Variants in ZNF345 observed in about 807,000 individuals in gnomAD.
ZNF345 encodes zinc finger protein HZF10.
For missense variants in ZNF345, 527 were observed against 589.9 expected, an observed-to-expected ratio of 0.89 and a Z score of 1.10; for synonymous variants, 166 against 187.9, an observed-to-expected ratio of 0.88 and a Z score of 0.95.
downstream of ZNF345, among the ~76,000 whole-genome samples, chr19:36,893,190 C>T (rs532325915): frequency 2.0e-5 from 3 of 152,178 alleles, no homozygotes; most frequent in South Asian, 4.2e-4. Context: ...CACCAGCCTC[C>T]GACAAATCTA....
chr19:36,878,045 G>A lies in ZNF345; in HGVS notation c.1215G>A (p.Lys405=), dbSNP rs754273255. ...CCTATGAATGTAAAGAATGTGGAAA[G>A]TCCTTTAGTAGTGGTTCAGCTCTTA... ...ERPYECKECG[K]SFSSGSALNR... is the part of the protein sequence containing the mutation. Residue 405 remains lysine, a synonymous_variant, in exon 3 of 3, where the codon AAG becomes AAA. Coordinates refer to ENST00000420450, the MANE Select transcript of ZNF345 (RefSeq NM_001242472.2). 1.8e-5 allele frequency: 29 copies of A among 1,613,880 alleles called. No individual in the cohort carries two copies. Among genetic ancestry groups the A allele is most frequent in the Admixed American group, 3.3e-5 (2 of 60,002 alleles).
chr19:36,857,016 CT>C (rs574726334), intron 2 of ZNF345, among the ~76,000 whole-genome samples: 3 of 151,964 alleles, frequency 2.0e-5, no homozygotes, highest in Non-Finnish European at 2.9e-5. Flanking sequence ...ACTTAGAATT[CT>C]TTTTTTAATG....
intron 2 of ZNF345, among the ~76,000 whole-genome samples, chr19:36,854,230 G>T (rs1351872886): frequency 1.6e-5 from 2 of 126,396 alleles, no homozygotes; most frequent in African/African-American, 6.8e-5. Flanking sequence ...TTTAGCCTGG[G>T]TTTTGTTTTT....
intron 2 of ZNF345, among the ~76,000 whole-genome samples, chr19:36,855,924 A>G (rs7251580): frequency 6.6e-6 from 1 of 152,224 alleles, no homozygotes; most frequent in South Asian, 2.1e-4. Flanking sequence ...CACTAGCCTT[A>G]TCTCTCTGTA....
chr19:36,854,089 A>G (rs2072349959), intron 2 of ZNF345, among the ~76,000 whole-genome samples: 1 of 152,182 alleles, frequency 6.6e-6, no homozygotes, highest in African/African-American at 2.4e-5. Context: ...GTTTCTCAAC[A>G]AGGTCTTGTT....
At chr19:36,872,658 C>G (rs2146190921) in intron 2 of ZNF345, 1 of 152,708 alleles carries the variant, frequency 6.5e-6, no homozygotes, top group South Asian at 2.1e-4. Context: ...AAATAAACCT[C>G]TTTTCTTTAT....
chr19:36,892,117 G>T, intron 3 of ZNF345: 1 of 1,614,010 alleles, frequency 6.2e-7, no homozygotes, highest in Non-Finnish European at 8.5e-7. Context: ...AGAAAAATAT[G>T]AACTACAACT....
chr19:36,867,401 T>G (rs1226602227), intron 2 of ZNF345, among the ~76,000 whole-genome samples: 1 of 152,236 alleles, frequency 6.6e-6, no homozygotes, highest in African/African-American at 2.4e-5. Context: ...ATAAATTCAG[T>G]GGTATTTGCT....
chr19:36,860,665 CCTT>C (rs1162319573), intron 2 of ZNF345, among the ~76,000 whole-genome samples: 3 of 152,144 alleles, frequency 2.0e-5, no homozygotes, highest in Non-Finnish European at 4.4e-5. Context: ...AATATTGTAT[CCTT>C]CTTGCTGCAT....
intron 2 of ZNF345, among the ~76,000 whole-genome samples, chr19:36,865,188 G>T (rs1360161556): frequency 6.6e-6 from 1 of 152,140 alleles, no homozygotes; most frequent in Non-Finnish European, 1.5e-5. Context: ...AACCAGAAAG[G>T]AACGCCCCTT....
At chr19:36,858,456 T>A (rs2072470870) in intron 2 of ZNF345, 1 of 152,136 alleles carries the variant, frequency 6.6e-6, no homozygotes, top group Admixed American at 6.6e-5. Flanking sequence ...GGGTTCAAAC[T>A]TTGGAATATT....
chr19:36,876,016 G>T (rs373264998), intron 2 of ZNF345, among the ~76,000 whole-genome samples: 62 of 152,262 alleles, frequency 4.1e-4, no homozygotes, highest in African/African-American at 1.4e-3. Context: ...TCTTCTAGTA[G>T]TATCACATTG....
chr19:36,877,125 T>C lies in ZNF345; in HGVS notation c.295T>C (p.Phe99Leu), dbSNP rs937031247. 36 of 1,614,108 alleles carry C rather than the reference T, an allele frequency of 2.2e-5. No individual in the cohort carries two copies. Among genetic ancestry groups the C allele is most frequent in the Non-Finnish European group, 3.1e-5 (36 of 1,180,004 alleles). Residue 99 changes from phenylalanine (F) to leucine (L), a missense_variant, in exon 3 of 3, where the codon TTT becomes CTT. Phe to Leu is a conservative substitution (Grantham distance 22). Transcript: ENST00000420450. ...PYECKECGKA[F>L]GSGANLAYHQ... ...TGAATGCAAAGAATGTGGCAAGGCC[T>C]TTGGTAGTGGTGCAAACCTTGCTTA... is the stretch of plus-strand genomic sequence containing the variant.
chr19:36,866,270 A>C lies in ZNF345; in HGVS notation c.-46-10515A>C, dbSNP rs75270565. On this transcript the variant is annotated intron_variant, in intron 2 of 2. Coordinates refer to ENST00000420450, the MANE Select transcript of ZNF345 (RefSeq NM_001242472.2). ...TGAAATATTTTATATATTCAAATAC[A>C]TAAAATCTTTTTAGGTTAAGTGATA... 2.6e-4 allele frequency among the ~76,000 whole-genome samples: 39 copies of C among 152,260 alleles called. No homozygotes were observed. In the East Asian group the frequency reaches 5.4e-3, roughly 21 times the overall value.
downstream of ZNF345, among the ~76,000 whole-genome samples, chr19:36,881,425 A>C (rs980447455): frequency 1.4e-4 from 21 of 152,176 alleles, no homozygotes; most frequent in African/African-American, 5.1e-4. Context: ...TAATCACCAG[A>C]ACTGACTCAA....
At chr19:36,868,901 G>A (rs183144253) in intron 2 of ZNF345, among the ~76,000 whole-genome samples, 1 of 152,002 alleles carries the variant, frequency 6.6e-6, no homozygotes, top group Non-Finnish European at 1.5e-5. Context: ...TGGGATTACC[G>A]CCCCGCCTGG....
chr19:36,877,995 C>T lies in ZNF345; in HGVS notation c.1165C>T (p.Gln389Ter), dbSNP rs201964063. 8 of 1,613,712 alleles carry T rather than the reference C, an allele frequency of 5.0e-6. No individual in the cohort carries two copies. The highest frequency in any genetic ancestry group is 5.9e-6 in the Non-Finnish European group (7 of 1,179,902). Residue 389 changes from glutamine (Q) to a stop codon, truncating the protein, a stop_gained, in exon 3 of 3, where the codon CAG becomes TAG. Coordinates refer to ENST00000420450, the MANE Select transcript of ZNF345 (RefSeq NM_001242472.2). LOFTEE classifies it low-confidence loss of function (END_TRUNC). Reference protein sequence around the residue: ...FGSGSKLIQHQLIHTGERPYE... With the variant: ...FGSGSKLIQH ...TAGTGGCTCAAAACTTATCCAACACCAGCTAATCCATACTGGTGAAAGACC... is the reference window on the plus strand; with the variant it reads ...TAGTGGCTCAAAACTTATCCAACACTAGCTAATCCATACTGGTGAAAGACC...
In ZNF345 at chr19:36,878,609, A is replaced by G. The variant is rs919913917; in HGVS notation, c.*312A>G. The G allele has an allele frequency of 4.9e-6, 1 of 202,936 alleles. No individual in the cohort carries two copies. The highest frequency in any genetic ancestry group is 2.9e-5 in the African/African-American group (1 of 34,884). The allele number at this position is 202,936 out of a possible 1,614,324, so 12.6% of individuals were successfully genotyped here. On this transcript the variant is annotated 3_prime_UTR_variant, in exon 3 of 3. Transcript: ENST00000420450. ...CTCATTTCTGGGTTAATCCTACTAT[A>G]TTTTTTCAATGGTCTTTTTTTTTTG...
intron 2 of ZNF345, among the ~76,000 whole-genome samples, chr19:36,852,125 TTTC>T (rs1431680759): frequency 5.5e-5 from 7 of 127,126 alleles, no homozygotes; most frequent in Non-Finnish European, 9.4e-5. Flanking sequence ...TTTTTCTTTC[TTTC>T]TTTTTTTTTT....
Sources: allele counts gnomAD v4.1 joint callset (sites outside exome capture counted in the v4.1 genomes callset), GRCh38; gene constraint gnomAD v4.1.1; transcripts MANE v1.5; gene names NCBI Gene and HGNC (gene_info 2026-07-23, HGNC 2026-07-21).